Variants in SPAG16 observed in about 807,000 individuals in gnomAD.
The protein encoded by SPAG16 is sperm-associated antigen 16 protein.
Under a neutral mutation model 80.4 loss-of-function variants are expected in SPAG16, and 86 were observed. The ratio of observed to expected loss-of-function variants is 1.07; its 90% CI spans 0.90 to 1.28. The LOEUF (loss-of-function observed/expected upper bound fraction) is 1.28. SPAG16 is among the 50% of genes most tolerant of loss of function. SPAG16 has a pLI of 0.00. For missense variants in SPAG16, 870 were observed against 765.3 expected, an observed-to-expected ratio of 1.14 and a Z score of -1.61; for synonymous variants, 294 against 265.9, an observed-to-expected ratio of 1.11 and a Z score of -1.03.
chr2:213,676,777 C>T (rs1181464119), intron 10 of SPAG16, among the ~76,000 whole-genome samples: 44 of 150,200 alleles, frequency 2.9e-4, no homozygotes, highest in African/African-American at 8.4e-4. Flanking sequence ...CTGCTGGATT[C>T]GGTTTGCCAG....
chr2:213,903,128 G>T (rs10189571), intron 11 of SPAG16, among the ~76,000 whole-genome samples: 88,828 of 151,910 alleles, frequency 0.58, 27,793 homozygotes, highest in South Asian at 0.84. Flanking sequence ...TTTTTCCAGG[G>T]GCACAGTGCA....
intron 10 of SPAG16, among the ~76,000 whole-genome samples, chr2:213,579,261 T>C (rs2060224135): frequency 6.6e-6 from 1 of 152,142 alleles, no homozygotes; most frequent in Admixed American, 6.6e-5. Context: ...TGAGCAGGGC[T>C]GATGTGGAAA....
intron 7 of SPAG16, among the ~76,000 whole-genome samples, chr2:213,362,437 C>T (rs1019691089): frequency 4.6e-5 from 7 of 152,118 alleles, no homozygotes; most frequent in Non-Finnish European, 8.8e-5. Flanking sequence ...TAAATAATGA[C>T]TTGCATCCAG....
At position 214,347,916 on chromosome 2, in the gene SPAG16, A is replaced by G. The variant is rs145235415; in HGVS notation, c.1721-62224A>G. Reference sequence around the variant, plus strand: ...AATTAGGACTCCAAGGAAAGCATCAAGACCTCAGAGGACAGAGCCAAGATT... The same window carrying G: ...AATTAGGACTCCAAGGAAAGCATCAGGACCTCAGAGGACAGAGCCAAGATT... On this transcript the variant is annotated intron_variant, in intron 15 of 15. Coordinates refer to ENST00000331683, the MANE Select transcript of SPAG16 (RefSeq NM_024532.5). Among the ~76,000 whole-genome samples the G allele has an allele frequency of 6.1e-3, 933 of 152,326 alleles. 9 individuals are homozygous for G. Among genetic ancestry groups the G allele is most frequent in the Middle Eastern group, 0.014 (4 of 294 alleles).
intron 10 of SPAG16, among the ~76,000 whole-genome samples, chr2:213,645,649 T>G (rs1449499891): frequency 6.6e-6 from 1 of 152,172 alleles, no homozygotes; most frequent in Admixed American, 6.5e-5. Flanking sequence ...TCTCCCTTCT[T>G]CTCTCTCCTC....
At chr2:213,446,562 C>T (rs942577120) in intron 9 of SPAG16, among the ~76,000 whole-genome samples, 16 of 152,114 alleles carry the variant, frequency 1.1e-4, no homozygotes, top group African/African-American at 3.9e-4. Context: ...TAAAAATGAA[C>T]AATAGGTTTT....
At chr2:213,798,551 C>T (rs1163028782) in intron 10 of SPAG16, among the ~76,000 whole-genome samples, 5 of 152,222 alleles carry the variant, frequency 3.3e-5, no homozygotes, top group Admixed American at 6.5e-5. Flanking sequence ...CCACTGCACC[C>T]GGCCTCTGTG....
At chr2:213,523,039 T>C (rs952784981) in intron 10 of SPAG16, among the ~76,000 whole-genome samples, 5 of 152,108 alleles carry the variant, frequency 3.3e-5, no homozygotes, top group African/African-American at 1.2e-4. Context: ...GATTTCCCAA[T>C]TACTAATTGA....
intron 15 of SPAG16, among the ~76,000 whole-genome samples, chr2:214,271,266 T>G (rs1460914835): frequency 6.6e-6 from 1 of 152,180 alleles, no homozygotes. Context: ...AAAAAAAGAA[T>G]TTTTTAGCTT....
chr2:214,009,044 G>A (rs1296325123), intron 12 of SPAG16, among the ~76,000 whole-genome samples: 6 of 152,124 alleles, frequency 3.9e-5, no homozygotes, highest in Non-Finnish European at 2.9e-5. Context: ...AAACTCCAGA[G>A]TATTCTTTCT....
At chr2:214,059,156 A>T (rs1174248901) in intron 13 of SPAG16, among the ~76,000 whole-genome samples, 6 of 146,204 alleles carry the variant, frequency 4.1e-5, no homozygotes, top group African/African-American at 1.5e-4. Flanking sequence ...CAGCCTGGGT[A>T]ACAGAGCAAG....
intron 14 of SPAG16, among the ~76,000 whole-genome samples, chr2:214,130,560 A>G (rs555282460): frequency 3.0e-4 from 46 of 152,332 alleles, no homozygotes; most frequent in Non-Finnish European, 4.6e-4. Flanking sequence ...AGTAAGCTTC[A>G]ATTTTTACTT....
intron 12 of SPAG16, among the ~76,000 whole-genome samples, chr2:213,966,304 G>A (rs115597882): frequency 1.6e-3 from 239 of 152,226 alleles, no homozygotes; most frequent in African/African-American, 5.4e-3. Context: ...CTTAAAAATT[G>A]TTTCTTCATT....
intron 9 of SPAG16, among the ~76,000 whole-genome samples, chr2:213,375,633 G>C (rs1195192038): frequency 6.6e-6 from 1 of 151,948 alleles, no homozygotes; most frequent in African/African-American, 2.4e-5. Context: ...TGGTCAAAGA[G>C]ATCAAAAATG....
intron 13 of SPAG16, among the ~76,000 whole-genome samples, chr2:214,106,980 A>G (rs943064401): frequency 6.6e-6 from 1 of 151,956 alleles, no homozygotes; most frequent in Non-Finnish European, 1.5e-5. Context: ...CTCCCTTACT[A>G]TACTTTCATT....
chr2:213,865,749 C>T (rs2075657076), intron 11 of SPAG16, among the ~76,000 whole-genome samples: 1 of 146,842 alleles, frequency 6.8e-6, no homozygotes, highest in African/African-American at 2.5e-5. Flanking sequence ...TACATATATA[C>T]ATGCACATAT....
chr2:213,911,437 G>A (rs749123373), intron 11 of SPAG16, among the ~76,000 whole-genome samples: 2 of 152,146 alleles, frequency 1.3e-5, no homozygotes, highest in Non-Finnish European at 2.9e-5. Context: ...GTGCCACGGT[G>A]CCCTGCCAAT....
At chr2:214,395,236 G>A (rs1392980590) in intron 15 of SPAG16, among the ~76,000 whole-genome samples, 1 of 152,166 alleles carries the variant, frequency 6.6e-6, no homozygotes, top group East Asian at 1.9e-4. Context: ...GAACACTATT[G>A]TGAAATAATT....
intron 9 of SPAG16, among the ~76,000 whole-genome samples, chr2:213,480,913 T>C (rs2073716335): frequency 6.6e-6 from 1 of 152,196 alleles, no homozygotes; most frequent in African/African-American, 2.4e-5. Context: ...AGAAATAATA[T>C]TTATTAAATT....
Sources: allele counts gnomAD v4.1 joint callset (sites outside exome capture counted in the v4.1 genomes callset), GRCh38; gene constraint gnomAD v4.1.1; transcripts MANE v1.5; gene names NCBI Gene and HGNC (gene_info 2026-07-23, HGNC 2026-07-21).